The following VEPH1 variants were observed in gnomAD, a reference collection of about 807,000 sequenced individuals.
VEPH1 encodes the protein ventricular zone-expressed PH domain-containing protein homolog 1.
In VEPH1, 80 loss-of-function variants were observed where a neutral mutation model predicts 85.2. The ratio of observed to expected loss-of-function variants is 0.94; its 90% confidence interval spans 0.78 to 1.13. The LOEUF (loss-of-function observed/expected upper bound fraction) is 1.13. VEPH1 is among the 50% of genes most tolerant of loss of function. The probability of loss-of-function intolerance (pLI) is 0.00; values close to 1 mark genes in which losing one functional copy is unlikely to be tolerated. For missense variants in VEPH1, 955 were observed against 980.5 expected (o/e 0.97, Z 0.35); for synonymous variants, 297 against 348.0 (o/e 0.85, Z 1.63).
chr3:157,271,141 C>A (rs190761899), intron 12 of VEPH1, among the ~76,000 whole-genome samples: 6 of 152,180 alleles, frequency 3.9e-5, no homozygotes, highest in African/African-American at 1.4e-4. Context: ...AGGGAGAAGT[C>A]AATTCAAGGC....
chr3:157,301,430 C>CA (rs1718796464), intron 11 of VEPH1, among the ~76,000 whole-genome samples: 1 of 152,170 alleles, frequency 6.6e-6, no homozygotes, highest in African/African-American at 2.4e-5. Flanking sequence ...ATCATCCCGG[C>CA]AATTTACAAA....
intron 9 of VEPH1, among the ~76,000 whole-genome samples, chr3:157,337,613 C>T (rs1723089825): frequency 6.6e-6 from 1 of 151,946 alleles, no homozygotes; most frequent in Non-Finnish European, 1.5e-5. Flanking sequence ...AGTTTTTTTC[C>T]TATTTTCCAA....
intron 6 of VEPH1, among the ~76,000 whole-genome samples, chr3:157,388,321 A>T (rs1004146888): frequency 5.3e-5 from 8 of 152,150 alleles, no homozygotes; most frequent in Non-Finnish European, 8.8e-5. Flanking sequence ...AATTGAAGAG[A>T]CTTAGCTCCA....
At chr3:157,436,692 T>C (rs1331231418) in intron 4 of VEPH1, 12 of 429,066 alleles carry the variant, frequency 2.8e-5, no homozygotes, top group Non-Finnish European at 4.2e-5. Flanking sequence ...TGCGGTTTAA[T>C]ATTGTGCAAC....
intron 6 of VEPH1, among the ~76,000 whole-genome samples, chr3:157,391,430 G>A (rs1281853273): frequency 1.3e-5 from 2 of 152,194 alleles, no homozygotes; most frequent in East Asian, 3.9e-4. Flanking sequence ...GATATTCTGA[G>A]GGAAAGACAA....
intron 11 of VEPH1, among the ~76,000 whole-genome samples, chr3:157,297,090 G>A (rs1331225020): frequency 2.0e-5 from 3 of 152,082 alleles, no homozygotes; most frequent in Non-Finnish European, 4.4e-5. Context: ...GCAACATAGT[G>A]AGACCCCATC....
At chr3:157,423,118 C>A (rs139756331) in intron 5 of VEPH1, among the ~76,000 whole-genome samples, 2 of 152,216 alleles carry the variant, frequency 1.3e-5, no homozygotes, top group East Asian at 3.9e-4. Flanking sequence ...TTTCTTAATT[C>A]AATAACTTTT....
chr3:157,493,309 G>A (rs1273808590), intron 2 of VEPH1: 1 of 456,186 alleles, frequency 2.2e-6, no homozygotes, highest in Non-Finnish European at 4.4e-6. Context: ...GAGAAATTGA[G>A]AAGTGGAATT....
At position 157,353,485 on chromosome 3, in the gene VEPH1, T is replaced by C. The variant is rs139336911; in HGVS notation, c.1735+9879A>G. 2.8e-3 allele frequency among the ~76,000 whole-genome samples: 430 copies of C among 152,230 alleles called. 5 individuals are homozygous for C. The East Asian group carries it at 0.043, about 15-fold the overall frequency. On this transcript the variant is annotated intron_variant, in intron 9 of 13. Coordinates refer to ENST00000362010, the MANE Select transcript of VEPH1 (RefSeq NM_001167912.2). ...TTTTGCCATTTTGCGCAGGCTCTTCTTGAAGTCCTGAGCTCAGGCGATCTG... is the reference window on the plus strand; with the variant it reads ...TTTTGCCATTTTGCGCAGGCTCTTCCTGAAGTCCTGAGCTCAGGCGATCTG...
At position 157,307,375 on chromosome 3, in the gene VEPH1, A is replaced by G. The variant is rs560703853; in HGVS notation, c.2010+6246T>C. Among the ~76,000 whole-genome samples the G allele has an allele frequency of 2.6e-5, 4 of 152,094 alleles. No homozygotes were observed. The South Asian group carries it at 8.3e-4, about 32-fold the overall frequency. On this transcript the variant is annotated intron_variant, in intron 11 of 13. Transcript: ENST00000362010. ...CTTTCGATATTTTCTTCTAATTGTT[A>G]TAAGATTTCATTGATTACATTTAAG...
chr3:157,357,013 T>C (rs1448495547), intron 9 of VEPH1, among the ~76,000 whole-genome samples: 1 of 152,170 alleles, frequency 6.6e-6, no homozygotes, highest in Non-Finnish European at 1.5e-5. Context: ...AGTATATTGC[T>C]ATATACCCTT....
chr3:157,457,756 G>C (rs1238140784), intron 4 of VEPH1, among the ~76,000 whole-genome samples: 1 of 152,144 alleles, frequency 6.6e-6, no homozygotes, highest in African/African-American at 2.4e-5. Context: ...ATGTGCTGCT[G>C]GATTTGTTTT....
chr3:157,387,051 G>T (rs1301099428), intron 6 of VEPH1, among the ~76,000 whole-genome samples: 1 of 152,112 alleles, frequency 6.6e-6, no homozygotes, highest in Non-Finnish European at 1.5e-5. Context: ...TGGGTCAGAT[G>T]GTCTCTTGTT....
intron 12 of VEPH1, among the ~76,000 whole-genome samples, chr3:157,267,474 T>C (rs909511043): frequency 1.3e-5 from 2 of 151,962 alleles, no homozygotes; most frequent in African/African-American, 2.4e-5. Flanking sequence ...GGCTGTTCCA[T>C]TGTCAACTCC....
rs868029184 is a variant in VEPH1, at chr3:157,409,519, T to C, written c.906+4362A>G. On this transcript the variant is annotated intron_variant, in intron 6 of 13. Coordinates refer to ENST00000362010, the MANE Select transcript of VEPH1 (RefSeq NM_001167912.2). ...TATATGATTATTAAACATGGCTTTA[T>C]TTAAGTTTGGGCAAAAAGATTTCTG... 5 of 695,508 alleles carry C rather than the reference T, an allele frequency of 7.2e-6. No individual in the cohort carries two copies. In the African/African-American group the frequency reaches 9.6e-5, roughly 13 times the overall value. 43.1% of individuals were successfully genotyped at this position (695,508 alleles called of 1,614,324 possible). A position where few individuals can be genotyped will look rare whatever the true frequency, so the allele number is the denominator to read the frequency against.
chr3:157,428,283 T>TG, intron 5 of VEPH1, 39 bp downstream of exon 5: 1 of 1,606,452 alleles, frequency 6.2e-7, no homozygotes, highest in Non-Finnish European at 8.5e-7. Context: ...GAAACATGCC[T>TG]GGTTGTGTGC....
In VEPH1 at chr3:157,309,718, G is replaced by A. The variant is rs115988237; in HGVS notation, c.2010+3903C>T. 5.6e-3 allele frequency among the ~76,000 whole-genome samples: 847 copies of A among 151,924 alleles called. 9 individuals are homozygous for A. The highest frequency in any genetic ancestry group is 0.019 in the African/African-American group (787 of 41,478). On this transcript the variant is annotated intron_variant, in intron 11 of 13. Coordinates refer to ENST00000362010, the MANE Select transcript of VEPH1 (RefSeq NM_001167912.2). The stretch of plus-strand genomic sequence containing the variant: ...TAAGCATTTCCACATTTTGATGCCT[G>A]TGTGAGATTGATATATAGTTTGCAA...
At chr3:157,328,984 G>A (rs542520000) in intron 9 of VEPH1, among the ~76,000 whole-genome samples, 8 of 152,244 alleles carry the variant, frequency 5.3e-5, no homozygotes, top group African/African-American at 1.4e-4. Flanking sequence ...GACAAATCTA[G>A]ACTGTTTGAC....
At chr3:157,465,457 C>A (rs1013198035) in intron 3 of VEPH1, among the ~76,000 whole-genome samples, 1 of 152,160 alleles carries the variant, frequency 6.6e-6, no homozygotes, top group Non-Finnish European at 1.5e-5. Flanking sequence ...ATTTTCACAG[C>A]AAACTCATGA....
Sources: allele counts gnomAD v4.1 joint callset (sites outside exome capture counted in the v4.1 genomes callset), GRCh38; gene constraint gnomAD v4.1.1; transcripts MANE v1.5; gene names NCBI Gene and HGNC (gene_info 2026-07-23, HGNC 2026-07-21).